Variants in TRAF3 observed in about 807,000 individuals in gnomAD.
TRAF3 encodes the protein TNF receptor associated factor 3.
In TRAF3, 13 loss-of-function variants were observed where a neutral mutation model predicts 62.3. The ratio of observed to expected loss-of-function variants is 0.21; its 90% CI spans 0.14 to 0.33. The LOEUF (loss-of-function observed/expected upper bound fraction) is 0.33, where lower values mean the gene tolerates loss of function less well. Among genes scored for constraint, TRAF3 ranks in the 10% least tolerant of loss-of-function variants. TRAF3 has a pLI of 1.00. For synonymous variants in TRAF3, 269 were observed against 283.4 expected, an observed-to-expected ratio of 0.95 and a Z score of 0.51; for missense variants, 440 against 741.8, an observed-to-expected ratio of 0.59 and a Z score of 4.73.
At chr14:102,866,698 A>T (rs1384136235) in intron 2 of TRAF3, among the ~76,000 whole-genome samples, 1 of 152,090 alleles carries the variant, frequency 6.6e-6, no homozygotes, top group Admixed American at 6.5e-5. Context: ...TAAAAAAATT[A>T]GCTGGGCATG....
At chr14:102,858,002 T>G (rs1595367817) in intron 2 of TRAF3, among the ~76,000 whole-genome samples, 1 of 152,332 alleles carries the variant, frequency 6.6e-6, no homozygotes, top group Non-Finnish European at 1.5e-5. Context: ...TTCTTGGCTC[T>G]GAAAAACAAA....
At chr14:102,881,141 T>C (rs554191696) in intron 6 of TRAF3, among the ~76,000 whole-genome samples, 1 of 152,226 alleles carries the variant, frequency 6.6e-6, no homozygotes, top group Admixed American at 6.5e-5. Context: ...CCAGCACTTT[T>C]GGGAGGCCAA....
intron 2 of TRAF3, among the ~76,000 whole-genome samples, chr14:102,842,106 G>A (rs572099788): frequency 1.3e-5 from 2 of 151,650 alleles, no homozygotes; most frequent in Non-Finnish European, 2.9e-5. Context: ...TTAGCCGGGC[G>A]TGGTGCAGGC....
intron 2 of TRAF3, among the ~76,000 whole-genome samples, chr14:102,853,512 A>C (rs1160636192): frequency 6.6e-6 from 1 of 152,080 alleles, no homozygotes; most frequent in Non-Finnish European, 1.5e-5. Flanking sequence ...AACCACTTAA[A>C]GTGTACAACT....
intron 2 of TRAF3, among the ~76,000 whole-genome samples, chr14:102,856,590 C>G (rs1178402840): frequency 6.6e-6 from 1 of 152,116 alleles, no homozygotes; most frequent in Non-Finnish European, 1.5e-5. Context: ...GTATCTTGTG[C>G]CGACCTCCTG....
chr14:102,863,950 G>A (rs926848907), intron 2 of TRAF3, among the ~76,000 whole-genome samples: 7 of 152,114 alleles, frequency 4.6e-5, no homozygotes, highest in African/African-American at 1.2e-4. Flanking sequence ...TGCATGCACC[G>A]GAGTGGCAGC....
rs747491445 is a variant in TRAF3, at chr14:102,897,421, G to A, written c.960+20G>A. Reference sequence around the variant, plus strand: ...TTACAGGTAAGAATCTTAGGACTACGGCCAGATCAAAGGGTGGAGGAGCTT... The same window carrying A: ...TTACAGGTAAGAATCTTAGGACTACAGCCAGATCAAAGGGTGGAGGAGCTT... On this transcript the variant is annotated intron_variant, in intron 10 of 11. Transcript: ENST00000392745. The A allele has an allele frequency of 6.8e-6, 11 of 1,612,268 alleles. No homozygotes were observed. Among genetic ancestry groups the A allele is most frequent in the East Asian group, 2.2e-5 (1 of 44,806 alleles).
chr14:102,834,045 C>G (rs1165427952), intron 2 of TRAF3, among the ~76,000 whole-genome samples: 4 of 151,152 alleles, frequency 2.6e-5, no homozygotes, highest in Non-Finnish European at 5.9e-5. Context: ...TTTACAGACT[C>G]TCTGCTATTC....
chr14:102,897,822 A>G (rs1386693541), intron 10 of TRAF3, among the ~76,000 whole-genome samples: 1 of 152,256 alleles, frequency 6.6e-6, no homozygotes, highest in African/African-American at 2.4e-5. Context: ...TTCCAGTGAC[A>G]CGCGCTCACC....
chr14:102,792,341 G>A (rs924608183), intron 1 of TRAF3, among the ~76,000 whole-genome samples: 1 of 151,160 alleles, frequency 6.6e-6, no homozygotes, highest in Non-Finnish European at 1.5e-5. Flanking sequence ...TGCCCAGGTT[G>A]GTCTCAAATT....
chr14:102,876,642 A>T (rs1392773084), intron 6 of TRAF3, 117 bp downstream of exon 6: 3 of 1,370,918 alleles, frequency 2.2e-6, no homozygotes, highest in Non-Finnish European at 3.0e-6. Flanking sequence ...ACTCATAGAT[A>T]ATCCGTTCCA....
chr14:102,904,966 G>T (rs2140009119), intron 11 of TRAF3, among the ~76,000 whole-genome samples: 1 of 152,262 alleles, frequency 6.6e-6, no homozygotes, highest in Non-Finnish European at 1.5e-5. Flanking sequence ...ACAAAAATTA[G>T]CCAGGCGTGG....
chr14:102,830,991 A>G (rs1722745403), intron 2 of TRAF3, among the ~76,000 whole-genome samples: 1 of 152,236 alleles, frequency 6.6e-6, no homozygotes. Context: ...TTTTAGCCAG[A>G]TTCCATTGAA....
At chr14:102,813,042 C>A (rs1899294724) in intron 1 of TRAF3, among the ~76,000 whole-genome samples, 1 of 152,106 alleles carries the variant, frequency 6.6e-6, no homozygotes, top group African/African-American at 2.4e-5. Context: ...ATGGCACAAT[C>A]TCGGCTCACC....
intron 1 of TRAF3, among the ~76,000 whole-genome samples, chr14:102,816,094 C>T (rs1566752423): frequency 2.0e-5 from 3 of 151,776 alleles, no homozygotes; most frequent in Non-Finnish European, 2.9e-5. Flanking sequence ...TATTTCTGGA[C>T]TCTAAATTCT....
At chr14:102,899,096 CAT>C (rs965954356) in intron 10 of TRAF3, among the ~76,000 whole-genome samples, 1 of 152,238 alleles carries the variant, frequency 6.6e-6, no homozygotes, top group Non-Finnish European at 1.5e-5. Flanking sequence ...CTGCCTGAAA[CAT>C]GTGAAAACTC....
At chr14:102,889,368 C>T (rs1342124602) in intron 7 of TRAF3, among the ~76,000 whole-genome samples, 192 bp from the exon 8 acceptor site, 1 of 152,126 alleles carries the variant, frequency 6.6e-6, no homozygotes, top group Non-Finnish European at 1.5e-5. Flanking sequence ...TGTATATTGG[C>T]GTATATGTGT....
Position 102,905,383 on chromosome 14 carries a change from A to T in TRAF3, c.1306A>T (p.Lys436Ter). The T allele has an allele frequency of 6.2e-7, 1 of 1,614,214 alleles. No individual in the cohort carries two copies. Among genetic ancestry groups the T allele is most frequent in the Non-Finnish European group, 8.5e-7 (1 of 1,180,040 alleles). The stretch of plus-strand genomic sequence containing the variant: ...GCGGAAGCAGGAGGCCGTCATGGGG[A>T]AGACCCTGTCCCTTTACAGCCAGCC... The part of the protein sequence containing the change: ...KRRKQEAVMG[K>*]TLSLYSQPFY... The change falls in exon 12 of 12, where the codon AAG becomes TAG. Residue 436 changes from lysine to a stop codon, truncating the protein, a stop_gained. Coordinates refer to ENST00000392745, the MANE Select transcript of TRAF3 (RefSeq NM_145725.3). LOFTEE classifies it high-confidence loss of function.
At chr14:102,820,348 TC>T (rs895102896) in intron 1 of TRAF3, among the ~76,000 whole-genome samples, 24 of 151,956 alleles carry the variant, frequency 1.6e-4, no homozygotes, top group African/African-American at 5.6e-4. Context: ...TGCCCTCACT[TC>T]CTAACCTTCT....
Sources: allele counts gnomAD v4.1 joint callset (sites outside exome capture counted in the v4.1 genomes callset), GRCh38; gene constraint gnomAD v4.1.1; transcripts MANE v1.5; gene names NCBI Gene and HGNC (gene_info 2026-07-23, HGNC 2026-07-21).